GRK5: variants seen among roughly 807,000 people sequenced by gnomAD.
GRK5 encodes g protein-coupled receptor kinase GRK5.
GRK5 carries 40 observed loss-of-function variants against 78.4 expected under a neutral mutation model. That is an observed-to-expected ratio of 0.51 (90% CI 0.40 to 0.66). The LOEUF (loss-of-function observed/expected upper bound fraction) is 0.66, where lower values mean the gene tolerates loss of function less well. Among genes scored for constraint, GRK5 ranks in the 30% least tolerant of loss-of-function variants. The pLI is 0.00. For synonymous variants in GRK5, 289 were observed against 296.8 expected, an observed-to-expected ratio of 0.97 and a Z score of 0.27; for missense variants, 598 against 759.9, an observed-to-expected ratio of 0.79 and a Z score of 2.50.
In GRK5 at chr10:119,264,469, C is replaced by T. The variant is rs561050840; in HGVS notation, c.52+56500C>T. Among the ~76,000 whole-genome samples the T allele has an allele frequency of 2.6e-5, 4 of 152,274 alleles. No individual in the cohort carries two copies. Among genetic ancestry groups the T allele is most frequent in the African/African-American group, 7.2e-5 (3 of 41,568 alleles). On this transcript the variant is annotated intron_variant, in intron 1 of 15. Transcript: ENST00000392870. The surrounding 1 kb of genome is among the most constrained non-coding windows in gnomAD (Gnocchi z 4.1). The stretch of plus-strand genomic sequence containing the variant: ...GAGTGTTGGCCTCTCTCTCCTACTA[C>T]CGCTCATCCTTCTCCCCATGACGAT...
chr10:119,338,179 A>G (rs1850926011), intron 2 of GRK5, among the ~76,000 whole-genome samples: 1 of 152,092 alleles, frequency 6.6e-6, no homozygotes, highest in South Asian at 2.1e-4. Flanking sequence ...CTGAGGGTGG[A>G]CACTCCTTCT....
chr10:119,286,938 G>A (rs1227025785), intron 1 of GRK5, among the ~76,000 whole-genome samples: 2 of 152,196 alleles, frequency 1.3e-5, no homozygotes, highest in Admixed American at 1.3e-4. Flanking sequence ...AGGATGAAAT[G>A]TAAGGTCCAG....
intron 1 of GRK5, among the ~76,000 whole-genome samples, chr10:119,210,488 A>G (rs1240854895): frequency 1.3e-5 from 2 of 152,168 alleles, no homozygotes; most frequent in South Asian, 2.1e-4. Context: ...CAGTTCTCAT[A>G]TATTTGAATT....
intron 4 of GRK5, among the ~76,000 whole-genome samples, chr10:119,421,523 C>T: frequency 6.6e-6 from 1 of 152,360 alleles, no homozygotes; most frequent in East Asian, 1.9e-4. Flanking sequence ...CATCGAGGAT[C>T]TTTTCTGCAA....
At chr10:119,257,611 C>A (rs920960418) in intron 1 of GRK5, among the ~76,000 whole-genome samples, 15 of 152,166 alleles carry the variant, frequency 9.9e-5, no homozygotes, top group Non-Finnish European at 4.4e-5. Flanking sequence ...GTAGTCCCAG[C>A]TACTCAGGAG....
At position 119,436,628 on chromosome 10, in the gene GRK5, T is replaced by C. The variant is rs765813650; in HGVS notation, c.739-23T>C. On this transcript the variant is annotated intron_variant, in intron 8 of 15. Coordinates refer to ENST00000392870, the MANE Select transcript of GRK5 (RefSeq NM_005308.3). ...AGTGGCCATTGTCACAACCTCCCCATGGCACTGTTCTTGTGCTCCCAGGTC... is the reference window on the plus strand; with the variant it reads ...AGTGGCCATTGTCACAACCTCCCCACGGCACTGTTCTTGTGCTCCCAGGTC... 10 of 1,613,158 alleles carry C rather than the reference T, an allele frequency of 6.2e-6. No individual in the cohort carries two copies. In the East Asian group the frequency reaches 1.8e-4, roughly 29 times the overall value.
chr10:119,396,828 A>T, intron 4 of GRK5, 56 bp downstream of exon 4: 3 of 1,343,082 alleles, frequency 2.2e-6, no homozygotes, highest in Non-Finnish European at 3.2e-6. Flanking sequence ...ATGCAAAAAT[A>T]GGAGCCCCTA....
intron 3 of GRK5, among the ~76,000 whole-genome samples, chr10:119,384,252 C>T (rs559017105): frequency 3.5e-4 from 53 of 152,280 alleles, no homozygotes; most frequent in East Asian, 5.8e-4. Context: ...GAGGCCCTCC[C>T]GATCTCCCTC....
intron 4 of GRK5, among the ~76,000 whole-genome samples, chr10:119,409,169 G>C (rs1189329072): frequency 2.0e-5 from 3 of 152,214 alleles, no homozygotes; most frequent in African/African-American, 7.2e-5. Context: ...TGTGTCCTTA[G>C]CATCTTCTCA....
chr10:119,239,918 T>C (rs1379723840), intron 1 of GRK5, among the ~76,000 whole-genome samples: 1 of 152,212 alleles, frequency 6.6e-6, no homozygotes, highest in Admixed American at 6.5e-5. Context: ...CAGTCTGTCA[T>C]TGATGGGCAT....
At chr10:119,354,768 A>G (rs184980857) in intron 2 of GRK5, among the ~76,000 whole-genome samples, 71 of 152,288 alleles carry the variant, frequency 4.7e-4, no homozygotes, top group African/African-American at 1.7e-3. Flanking sequence ...TGAACTGTGT[A>G]GGTCCACCTT....
intron 4 of GRK5, among the ~76,000 whole-genome samples, chr10:119,415,452 GGCATTGGGGGCC>G (rs1239874142): frequency 6.6e-6 from 1 of 152,174 alleles, no homozygotes; most frequent in Admixed American, 6.6e-5. Context: ...TGGTCCTATA[GGCATTGGGGGCC>G]GCTGATGCTG....
At chr10:119,454,880 A>T in intron 15 of GRK5, 89 bp from the exon 16 acceptor site, 1 of 817,258 alleles carries the variant, frequency 1.2e-6, no homozygotes, top group South Asian at 1.4e-5. Context: ...CAAGGGTTGG[A>T]GCAGGCAGAG....
At chr10:119,398,294 C>G (rs1328758757) in intron 4 of GRK5, among the ~76,000 whole-genome samples, 1 of 152,202 alleles carries the variant, frequency 6.6e-6, no homozygotes, top group Admixed American at 6.5e-5. Context: ...TAAACACATG[C>G]CCTGAGCTTA....
chr10:119,385,104 G>A (rs1014249998), intron 3 of GRK5, among the ~76,000 whole-genome samples: 4 of 151,930 alleles, frequency 2.6e-5, no homozygotes, highest in Admixed American at 6.6e-5. Context: ...ACGAGTGTCC[G>A]CAGTTGGAGG....
Position 119,430,792 on chromosome 10 carries a change from G to A in GRK5, c.597+354G>A, listed in dbSNP as rs1041597310. Among the ~76,000 whole-genome samples the A allele has an allele frequency of 2.0e-5, 3 of 152,116 alleles. No individual in the cohort carries two copies. Among genetic ancestry groups the A allele is most frequent in the South Asian group, 2.1e-4 (1 of 4,830 alleles). On this transcript the variant is annotated intron_variant, in intron 7 of 15. Coordinates refer to ENST00000392870, the MANE Select transcript of GRK5 (RefSeq NM_005308.3). The surrounding 1 kb of genome is among the most constrained non-coding windows in gnomAD (Gnocchi z 4.5). ...CTTGGCCACTCAGTGCCTGGATGACGCTGTCATGCAAGATTCGAGATTTCG... is the reference window on the plus strand; with the variant it reads ...CTTGGCCACTCAGTGCCTGGATGACACTGTCATGCAAGATTCGAGATTTCG...
At chr10:119,305,998 A>G (rs953135268) in intron 1 of GRK5, among the ~76,000 whole-genome samples, 1 of 152,120 alleles carries the variant, frequency 6.6e-6, no homozygotes, top group African/African-American at 2.4e-5. Context: ...CACCCCTGAG[A>G]CCATGGAAAG....
intron 4 of GRK5, among the ~76,000 whole-genome samples, chr10:119,417,824 G>T (rs979736793): frequency 6.6e-6 from 1 of 152,130 alleles, no homozygotes; most frequent in East Asian, 1.9e-4. Flanking sequence ...TTCGGTGGGG[G>T]GTCTGCCCTA....
intron 4 of GRK5, among the ~76,000 whole-genome samples, chr10:119,404,140 G>A (rs1852197066): frequency 6.6e-6 from 1 of 152,172 alleles, no homozygotes; most frequent in South Asian, 2.1e-4. Context: ...ATTCCCACCA[G>A]CAGGGTTCCA....
Sources: allele counts gnomAD v4.1 joint callset (sites outside exome capture counted in the v4.1 genomes callset), GRCh38; gene constraint gnomAD v4.1.1; non-coding constraint Gnocchi (gnomAD v3.1); transcripts MANE v1.5; gene names NCBI Gene and HGNC (gene_info 2026-07-23, HGNC 2026-07-21).